Variants in TLR4 observed in about 807,000 individuals in gnomAD.
The protein encoded by TLR4 is toll like receptor 4, also known as toll-like receptor 4.
Under a neutral mutation model 27.4 loss-of-function variants are expected in TLR4, and 17 were observed. That is an observed-to-expected ratio of 0.62 (90% CI 0.42 to 0.93). The LOEUF is 0.93. Among genes scored for constraint, TLR4 ranks in the 40% least tolerant of loss-of-function variants. The pLI is 0.00. For missense variants in TLR4, 926 were observed against 962.3 expected (o/e 0.96, Z 0.50); for synonymous variants, 363 against 365.7 (o/e 0.99, Z 0.08).
At chr9:117,711,310 C>T (rs1247298814) in intron 2 of TLR4, among the ~76,000 whole-genome samples, 1 of 152,098 alleles carries the variant, frequency 6.6e-6, no homozygotes, top group Non-Finnish European at 1.5e-5. Context: ...GTAATTCAGG[C>T]TGGATTAAGA....
rs751154525 is a variant in TLR4, at chr9:117,714,609, GGGTACA to G, written c.2484_2489del (p.Thr829_Gly830del). ...AATCATGGAATCCAGAAGGAACAGTGGGTACAGGATGCAATTGGCAGGAAGCAACAT... is the reference window on the plus strand; with the variant it reads ...AATCATGGAATCCAGAAGGAACAGTGGGATGCAATTGGCAGGAAGCAACAT... On this transcript the variant is annotated inframe_deletion, in exon 3 of 3. Coordinates refer to ENST00000355622, the MANE Select transcript of TLR4 (RefSeq NM_138554.5). 6.8e-6 allele frequency: 11 copies of G among 1,613,330 alleles called. No individual in the cohort carries two copies. The African/African-American group carries it at 1.2e-4, about 18-fold the overall frequency.
rs1046697548 is a variant in TLR4, at chr9:117,714,912, T to G, written c.*264T>G. The G allele has an allele frequency of 3.9e-6, 2 of 516,250 alleles. No homozygotes were observed. The highest frequency in any genetic ancestry group is 6.4e-5 in the Admixed American group (2 of 31,270). 32.0% of individuals were successfully genotyped at this position (516,250 alleles called of 1,614,324 possible). On this transcript the variant is annotated 3_prime_UTR_variant, in exon 3 of 3. Coordinates refer to ENST00000355622, the MANE Select transcript of TLR4 (RefSeq NM_138554.5). ...CCATGACAAAGAAAGTCATTTCAACTCTTACCTCATCAAGTTGAATAAAGA... is the reference window on the plus strand; with the variant it reads ...CCATGACAAAGAAAGTCATTTCAACGCTTACCTCATCAAGTTGAATAAAGA...
In TLR4 at chr9:117,722,367, T is replaced by C. The variant is rs17323717; in HGVS notation, c.*7719T>C. 6.6e-6 allele frequency: 1 copy of C among 152,258 alleles called. No homozygotes were observed. The highest frequency in any genetic ancestry group is 2.1e-4 in the South Asian group (1 of 4,822). The allele number at this position is 152,258 out of a possible 1,614,324, so 9.4% of individuals were successfully genotyped here. The stretch of plus-strand genomic sequence containing the variant: ...ATCACTGACGGTTGAAATTCAGTAG[T>C]TTTGGTCTTTAAGCTGAGACCCTGA... On this transcript the variant is annotated 3_prime_UTR_variant, in exon 3 of 3. Transcript: ENST00000355622.
chr9:117,724,405 T>C lies in TLR4; in HGVS notation c.*9757T>C, dbSNP rs540593943. On this transcript the variant is annotated 3_prime_UTR_variant, in exon 3 of 3. Coordinates refer to ENST00000355622, the MANE Select transcript of TLR4 (RefSeq NM_138554.5). ...TATTGTGCACTAAGTTAGTTCTTGC[T>C]TAGTAAGTCTTGTCTTTCTCTCTGC... is the stretch of plus-strand genomic sequence containing the variant. The C allele has an allele frequency of 2.5e-4, 38 of 152,388 alleles. No individual in the cohort carries two copies. The highest frequency in any genetic ancestry group is 9.1e-4 in the African/African-American group (38 of 41,592). 9.4% of individuals were successfully genotyped at this position (152,388 alleles called of 1,614,324 possible).
At chr9:117,710,018 T>G (rs1829204131) in intron 2 of TLR4, among the ~76,000 whole-genome samples, 1 of 152,078 alleles carries the variant, frequency 6.6e-6, no homozygotes, top group African/African-American at 2.4e-5. Flanking sequence ...ATTTAAATTT[T>G]TATAAAATAT....
Position 117,721,323 on chromosome 9 carries a change from T to C in TLR4, c.*6675T>C, listed in dbSNP as rs1307253828. 1 of 152,274 alleles carries C rather than the reference T, an allele frequency of 6.6e-6. No individual in the cohort carries two copies. Among genetic ancestry groups the C allele is most frequent in the Admixed American group, 6.5e-5 (1 of 15,288 alleles). The allele number at this position is 152,274 out of a possible 1,614,324, so 9.4% of individuals were successfully genotyped here. A position where few individuals can be genotyped will look rare whatever the true frequency, so the allele number is the denominator to read the frequency against. On this transcript the variant is annotated 3_prime_UTR_variant, in exon 3 of 3. Coordinates refer to ENST00000355622, the MANE Select transcript of TLR4 (RefSeq NM_138554.5). ...TAGTTTCCACTCATAAGTGAGAGCA[T>C]GGATGGAACTGGAGAAGAGTATTTT...
chr9:117,713,672 C>G lies in TLR4; in HGVS notation c.1544C>G (p.Ala515Gly). Residue 515 changes from alanine (A) to glycine (G), a missense_variant, in exon 3 of 3, where the codon GCA (alanine) becomes GGA (glycine). Ala to Gly is a moderately conservative substitution (Grantham distance 60). Coordinates refer to ENST00000355622, the MANE Select transcript of TLR4 (RefSeq NM_138554.5). ...QCQLEQLSPT[A>G]FNSLSSLQVL... ...CAACTGGAGCAGTTGTCTCCAACAG[C>G]ATTTAACTCACTCTCCAGTCTTCAG... The G allele has an allele frequency of 6.2e-7, 1 of 1,614,010 alleles. No individual in the cohort carries two copies. The highest frequency in any genetic ancestry group is 8.5e-7 in the Non-Finnish European group (1 of 1,180,010).
intron 1 of TLR4, among the ~76,000 whole-genome samples, chr9:117,705,180 A>G (rs1443538533): frequency 6.6e-6 from 1 of 152,236 alleles, no homozygotes; most frequent in African/African-American, 2.4e-5. Context: ...CAGCTAATGC[A>G]ACAGTTTCTT....
chr9:117,723,941 G>T lies in TLR4; in HGVS notation c.*9293G>T, dbSNP rs1291394119. On this transcript the variant is annotated 3_prime_UTR_variant, in exon 3 of 3. Transcript: ENST00000355622. ...CTTGTGCCTCTTACCATATGTGAAT[G>T]CTTGTCAGTTGAGAGTAAACTTTCT... 6.6e-6 allele frequency: 1 copy of T among 152,190 alleles called. No individual in the cohort carries two copies. The highest frequency in any genetic ancestry group is 1.9e-4 in the East Asian group (1 of 5,188). 9.4% of individuals were successfully genotyped at this position (152,190 alleles called of 1,614,324 possible).
chr9:117,706,636 G>A (rs897089760), intron 1 of TLR4, among the ~76,000 whole-genome samples: 3 of 152,090 alleles, frequency 2.0e-5, no homozygotes, highest in East Asian at 3.9e-4. Flanking sequence ...ACGTGCTCAC[G>A]TTGTCCTCTC....
chr9:117,710,102 C>G (rs1040241303), intron 2 of TLR4, among the ~76,000 whole-genome samples: 16 of 152,018 alleles, frequency 1.1e-4, no homozygotes, highest in African/African-American at 3.6e-4. Context: ...ATTTTTGATT[C>G]AGGGATTTAC....
Position 117,712,686 on chromosome 9 carries a change from G to GGACCTTTCCA in TLR4, c.558_559insGACCTTTCCA (p.Ile187AspfsTer41). On this transcript the variant is annotated frameshift_variant, in exon 3 of 3. Coordinates refer to ENST00000355622, the MANE Select transcript of TLR4 (RefSeq NM_138554.5). LOFTEE classifies it low-confidence loss of function (END_TRUNC). ...AGCACTTGGACCTTTCCAGCAACAA[G>GGACCTTTCCA]ATTCAAAGTATTTATTGCACAGACT... 1 of 1,614,080 alleles carries GGACCTTTCCA rather than the reference G, an allele frequency of 6.2e-7. No homozygotes were observed. Among genetic ancestry groups the GGACCTTTCCA allele is most frequent in the East Asian group, 2.2e-5 (1 of 44,862 alleles).
At position 117,718,719 on chromosome 9, in the gene TLR4, A is replaced by G. The variant is rs1013675258; in HGVS notation, c.*4071A>G. On this transcript the variant is annotated 3_prime_UTR_variant, in exon 3 of 3. Transcript: ENST00000355622. ...TTGCTCTAAGGATTGAAAATCATGTATTATGTTCAATACGGGGACACTGTC... is the reference window on the plus strand; with the variant it reads ...TTGCTCTAAGGATTGAAAATCATGTGTTATGTTCAATACGGGGACACTGTC... 3 of 152,180 alleles carry G rather than the reference A, an allele frequency of 2.0e-5. No individual in the cohort carries two copies. Among genetic ancestry groups the G allele is most frequent in the African/African-American group, 7.2e-5 (3 of 41,448 alleles). 9.4% of individuals were successfully genotyped at this position (152,180 alleles called of 1,614,324 possible).
rs1386131551 is a variant in TLR4, at chr9:117,719,588, A to AT, written c.*4946dup. ...TGTGATCTAAGTTATGTGATCAAAG[A>AT]TTTTTTAACAGTGAACAAATCAGGC... On this transcript the variant is annotated 3_prime_UTR_variant, in exon 3 of 3. Transcript: ENST00000355622. 2 of 152,100 alleles carry AT rather than the reference A, an allele frequency of 1.3e-5. No homozygotes were observed. The highest frequency in any genetic ancestry group is 4.8e-5 in the African/African-American group (2 of 41,392). 9.4% of individuals were successfully genotyped at this position (152,100 alleles called of 1,614,324 possible).
chr9:117,706,053 C>T (rs1279464464), intron 1 of TLR4, among the ~76,000 whole-genome samples: 1 of 151,416 alleles, frequency 6.6e-6, no homozygotes, highest in Non-Finnish European at 1.5e-5. Context: ...TATATATTTA[C>T]CTATTATTGA....
rs201400532 is a variant in TLR4 at position 117,714,856 on chromosome 9, G to A, written c.*208G>A. The A allele has an allele frequency of 1.1e-4, 64 of 596,290 alleles. No homozygotes were observed. In the Middle Eastern group the frequency reaches 1.4e-3, roughly 13 times the overall value. 36.9% of individuals were successfully genotyped at this position (596,290 alleles called of 1,614,324 possible). The stretch of plus-strand genomic sequence containing the variant: ...TAGACTAAAATACAGAGTCTTCCAG[G>A]TGGGCATTTCAACCAACTCAGTCAA... On this transcript the variant is annotated 3_prime_UTR_variant, in exon 3 of 3. Transcript: ENST00000355622.
rs1588092805 is a variant in TLR4 at position 117,708,860 on chromosome 9, T to C, written c.260+131T>C. Reference sequence around the variant, plus strand: ...TTATTCATTCATACAACAGATGTCTTATTAACTATATAACCTTGAGCAAGC... The same window carrying C: ...TTATTCATTCATACAACAGATGTCTCATTAACTATATAACCTTGAGCAAGC... On this transcript the variant is annotated intron_variant, in intron 2 of 2. Transcript: ENST00000355622. 10 of 1,190,280 alleles carry C rather than the reference T, an allele frequency of 8.4e-6. No individual in the cohort carries two copies. The East Asian group carries it at 2.4e-4, about 28-fold the overall frequency. 73.7% of individuals were successfully genotyped at this position (1,190,280 alleles called of 1,614,324 possible). A position where few individuals can be genotyped will look rare whatever the true frequency, so the allele number is the denominator to read the frequency against.
Position 117,720,024 on chromosome 9 carries a change from AC to A in TLR4, c.*5378del, listed in dbSNP as rs1829405026. The A allele has an allele frequency of 6.6e-6, 1 of 151,974 alleles. No individual in the cohort carries two copies. The highest frequency in any genetic ancestry group is 1.5e-5 in the Non-Finnish European group (1 of 67,998). 9.4% of individuals were successfully genotyped at this position (151,974 alleles called of 1,614,324 possible). On this transcript the variant is annotated 3_prime_UTR_variant, in exon 3 of 3. Coordinates refer to ENST00000355622, the MANE Select transcript of TLR4 (RefSeq NM_138554.5). ...TATTAATCACAATAACATTTGCCGCACCTTCTGTATTTTTTTTAAGTTGCTA... is the reference window on the plus strand; with the variant it reads ...TATTAATCACAATAACATTTGCCGCACTTCTGTATTTTTTTTAAGTTGCTA...
In TLR4 at chr9:117,716,174, ACTG is replaced by A. The variant is rs1385938559; in HGVS notation, c.*1529_*1531del. The A allele has an allele frequency of 6.6e-6, 1 of 152,166 alleles. No individual in the cohort carries two copies. Among genetic ancestry groups the A allele is most frequent in the African/African-American group, 2.4e-5 (1 of 41,444 alleles). The allele number at this position is 152,166 out of a possible 1,614,324, so 9.4% of individuals were successfully genotyped here. On this transcript the variant is annotated 3_prime_UTR_variant, in exon 3 of 3. Coordinates refer to ENST00000355622, the MANE Select transcript of TLR4 (RefSeq NM_138554.5). ...AGGTTTCTCAAAAATTAAAAATAGA[ACTG>A]CTATATGATCCAGCAATCTCACTTC...
Sources: allele counts gnomAD v4.1 joint callset (sites outside exome capture counted in the v4.1 genomes callset), GRCh38; gene constraint gnomAD v4.1.1; transcripts MANE v1.5; gene names NCBI Gene and HGNC (gene_info 2026-07-23, HGNC 2026-07-21).